The following RNF121 variants were observed in gnomAD, a reference collection of about 807,000 sequenced individuals.
RNF121 encodes E3 ubiquitin ligase RNF121.
Under a neutral mutation model 46.5 loss-of-function variants are expected in RNF121, and 21 were observed. That is an observed-to-expected ratio of 0.45 (90% CI 0.32 to 0.65). The LOEUF (loss-of-function observed/expected upper bound fraction) is 0.65, where lower values mean the gene tolerates loss of function less well. Ranked by LOEUF, RNF121 falls within the 30% of genes least tolerant of loss-of-function variation. RNF121 has a pLI of 0.04. For synonymous variants in RNF121, 139 were observed against 144.7 expected (o/e 0.96, Z 0.28); for missense variants, 346 against 416.0 (o/e 0.83, Z 1.46).
intron 3 of RNF121, among the ~76,000 whole-genome samples, chr11:71,975,263 T>G (rs1398200741): frequency 6.6e-6 from 1 of 152,296 alleles, no homozygotes; most frequent in East Asian, 1.9e-4. Context: ...AGGAAAAACT[T>G]CTATCTTCAG....
chr11:71,962,294 G>A (rs555963668), intron 3 of RNF121: 2 of 984,842 alleles, frequency 2.0e-6, no homozygotes, highest in Non-Finnish European at 2.4e-6. Flanking sequence ...AAGAAAGTGA[G>A]TATGCATATA....
chr11:71,960,942 T>A (rs545581359), intron 3 of RNF121, 51 bp downstream of exon 3: 2 of 1,591,434 alleles, frequency 1.3e-6, no homozygotes, highest in South Asian at 2.3e-5. Context: ...CAAGAGACCC[T>A]TCCTAAGTAT....
Position 71,960,873 on chromosome 11 carries a change from G to A in RNF121, c.225G>A (p.Arg75=). 6.2e-7 allele frequency: 1 copy of A among 1,614,000 alleles called. No individual in the cohort carries two copies. The highest frequency in any genetic ancestry group is 1.3e-5 in the African/African-American group (1 of 75,036). Residue 75 remains arginine, a synonymous_variant, in exon 3 of 9, where the codon AGG becomes AGA. Coordinates refer to ENST00000361756, the MANE Select transcript of RNF121 (RefSeq NM_018320.5). ...TGCTCCTGGTGCAGTGGAAGCAGAG[G>A]CACCCACGCTCCTACAATGTAAGCC... ...AQLLLVQWKQ[R]HPRSYNMVTL...
rs56134788 is a variant in RNF121 at position 71,984,745 on chromosome 11, A to ATTTTTTTTTTTTTTTTTT, written c.398+1838_398+1855dup. 9.5e-5 allele frequency among the ~76,000 whole-genome samples: 9 copies of ATTTTTTTTTTTTTTTTTT among 94,868 alleles called. 1 individual carries two copies. Among genetic ancestry groups the ATTTTTTTTTTTTTTTTTT allele is most frequent in the African/African-American group, 2.6e-4 (6 of 22,684 alleles). The allele number at this position is 94,868 out of a possible 152,430, so 62.2% of individuals were successfully genotyped here. On this transcript the variant is annotated intron_variant, in intron 4 of 8. Coordinates refer to ENST00000361756, the MANE Select transcript of RNF121 (RefSeq NM_018320.5). ...AGGTGTGTGCCGCCACACCCGGCTA[A>ATTTTTTTTTTTTTTTTTT]TTTTTTTTTTTTTTTTTTTTTTTTT...
chr11:71,973,066 A>G (rs1240881328), intron 3 of RNF121, among the ~76,000 whole-genome samples: 2 of 152,128 alleles, frequency 1.3e-5, no homozygotes, highest in African/African-American at 4.8e-5. Flanking sequence ...CATGCCTGTA[A>G]TCCCAGCTAC....
chr11:71,964,865 G>A lies in RNF121; in HGVS notation c.243+3974G>A, dbSNP rs139270352. Among the ~76,000 whole-genome samples the A allele has an allele frequency of 5.0e-3, 764 of 152,238 alleles. 2 individuals are homozygous for A. Among genetic ancestry groups the A allele is most frequent in the Non-Finnish European group, 7.5e-3 (512 of 68,016 alleles). On this transcript the variant is annotated intron_variant, in intron 3 of 8. Transcript: ENST00000361756. ...GTGATTTTTTATGGGATGGTTGACTGGACTTCTTGAAGTCCTCCCAGTTAG... is the reference window on the plus strand; with the variant it reads ...GTGATTTTTTATGGGATGGTTGACTAGACTTCTTGAAGTCCTCCCAGTTAG...
At chr11:71,987,657 A>G (rs1460397277) in intron 5 of RNF121, among the ~76,000 whole-genome samples, 1 of 152,248 alleles carries the variant, frequency 6.6e-6, no homozygotes, top group African/African-American at 2.4e-5. Flanking sequence ...TAGTTGTGAT[A>G]AAGACCATAT....
chr11:71,962,949 T>G lies in RNF121; in HGVS notation c.243+2058T>G, dbSNP rs568058521. Among the ~76,000 whole-genome samples the G allele has an allele frequency of 1.0e-3, 154 of 152,354 alleles. 5 individuals are homozygous for G. Among genetic ancestry groups the G allele is most frequent in the Admixed American group, 0.01 (154 of 15,298 alleles). ...TGTCATTGTGGTGTTGATTTGTATTTCCCTAATGACTAATGATGTTGGGCA... is the reference window on the plus strand; with the variant it reads ...TGTCATTGTGGTGTTGATTTGTATTGCCCTAATGACTAATGATGTTGGGCA... On this transcript the variant is annotated intron_variant, in intron 3 of 8. Coordinates refer to ENST00000361756, the MANE Select transcript of RNF121 (RefSeq NM_018320.5).
intron 1 of RNF121, among the ~76,000 whole-genome samples, chr11:71,933,833 T>G (rs1002638115): frequency 6.6e-6 from 1 of 152,220 alleles, no homozygotes; most frequent in African/African-American, 2.4e-5. Context: ...AATCGTTGTT[T>G]TTGATTAATA....
At chr11:71,994,594 C>CT (rs1325581001) in intron 6 of RNF121, 125 bp from the exon 7 acceptor site, 3 of 1,081,930 alleles carry the variant, frequency 2.8e-6, no homozygotes, top group Middle Eastern at 2.1e-4. Context: ...AAGATGTCCT[C>CT]TAACTCTGGG....
chr11:71,959,637 CTT>C (rs893968966), intron 2 of RNF121, among the ~76,000 whole-genome samples: 11 of 138,202 alleles, frequency 8.0e-5, no homozygotes, highest in East Asian at 2.0e-4. Context: ...CTCTCTTCTT[CTT>C]TTTTTTTTTT....
At chr11:71,944,490 A>G (rs1206838335) in intron 1 of RNF121, among the ~76,000 whole-genome samples, 3 of 152,236 alleles carry the variant, frequency 2.0e-5, no homozygotes, top group Admixed American at 6.5e-5. Flanking sequence ...TAAAATGCAC[A>G]TAATTTCTGG....
intron 2 of RNF121, 98 bp from the exon 3 acceptor site, chr11:71,960,652 G>A (rs1483103743): frequency 6.4e-6 from 9 of 1,416,408 alleles, no homozygotes; most frequent in Non-Finnish European, 8.7e-6. Flanking sequence ...CAGGGAATGT[G>A]TTCTGAGCTA....
At chr11:71,992,512 A>G (rs572301470) in intron 6 of RNF121, among the ~76,000 whole-genome samples, 1 of 152,352 alleles carries the variant, frequency 6.6e-6, no homozygotes, top group East Asian at 1.9e-4. Flanking sequence ...TGTTTCTATC[A>G]ATTAGCCTGT....
chr11:71,929,143 C>A lies in RNF121; in HGVS notation c.63+19C>A. ...GGATGAGGTAAGCGGAGTTGAGAGA[C>A]GAGGAGAGACTCAACCTGAGACTGA... is the stretch of plus-strand genomic sequence containing the variant. On this transcript the variant is annotated intron_variant, in intron 1 of 8. Coordinates refer to ENST00000361756, the MANE Select transcript of RNF121 (RefSeq NM_018320.5). 6.5e-7 allele frequency: 1 copy of A among 1,548,296 alleles called. No individual in the cohort carries two copies. The highest frequency in any genetic ancestry group is 8.7e-7 in the Non-Finnish European group (1 of 1,145,446).
intron 5 of RNF121, among the ~76,000 whole-genome samples, chr11:71,987,989 G>A (rs1457955510): frequency 1.3e-5 from 2 of 152,172 alleles, no homozygotes. Flanking sequence ...CATAAGCAGT[G>A]TTGCCTGTAA....
chr11:71,971,828 G>A (rs1168903008), intron 3 of RNF121, among the ~76,000 whole-genome samples: 2 of 152,212 alleles, frequency 1.3e-5, no homozygotes, highest in African/African-American at 4.8e-5. Context: ...GTACTTTTTT[G>A]TGGGTATGGT....
rs1372735225 is a variant in RNF121 at position 71,994,815 on chromosome 11, A to T, written c.724A>T (p.Ile242Phe). ...QIFVDVSEEG[I>F]IENTYRLSCN... The stretch of plus-strand genomic sequence containing the variant: ...CTTTGTGGACGTCAGTGAAGAGGGG[A>T]TCATTGAGAACACGTATAGGCTGTC... The change falls in exon 7 of 9, where the codon ATC becomes TTC. Residue 242 changes from isoleucine (I) to phenylalanine (F), a missense_variant. This residue lies in a region of RNF121 where 286 missense variants were observed against 383.8 expected (regional missense o/e 0.75). Coordinates refer to ENST00000361756, the MANE Select transcript of RNF121 (RefSeq NM_018320.5). 6.2e-7 allele frequency: 1 copy of T among 1,614,026 alleles called. No homozygotes were observed. The highest frequency in any genetic ancestry group is 2.2e-5 in the East Asian group (1 of 44,886).
At chr11:71,954,481 A>G (rs1304020695) in intron 1 of RNF121, among the ~76,000 whole-genome samples, 2 of 152,208 alleles carry the variant, frequency 1.3e-5, no homozygotes, top group African/African-American at 2.4e-5. Flanking sequence ...CCAACATTCA[A>G]TTATCTCTGG....
Sources: gnomAD v4.1 joint callset for allele counts (sites outside exome capture counted in the v4.1 genomes callset) on GRCh38, gnomAD v4.1.1 for gene constraint, gnomAD v4.1.1 regional missense constraint, MANE v1.5 for transcripts, NCBI Gene and HGNC (gene_info 2026-07-23, HGNC 2026-07-21) for gene names.